ATF7: variants seen among roughly 807,000 people sequenced by gnomAD.
The protein encoded by ATF7 is activating transcription factor 7.
Under a neutral mutation model 50.4 loss-of-function variants are expected in ATF7, and 10 were observed. The observed-to-expected ratio is 0.20, with a 90% CI of 0.12 to 0.34. The LOEUF (loss-of-function observed/expected upper bound fraction) is 0.34, where lower values mean the gene tolerates loss of function less well. ATF7 is among the 10% of genes least tolerant of loss of function. ATF7 has a pLI of 1.00. For synonymous variants in ATF7, 201 were observed against 226.4 expected (o/e 0.89, Z 1.01); for missense variants, 465 against 613.9 (o/e 0.76, Z 2.56).
At chr12:53,590,163 C>T (rs369085748) in intron 2 of ATF7, among the ~76,000 whole-genome samples, 1 of 152,168 alleles carries the variant, frequency 6.6e-6, no homozygotes, top group Admixed American at 6.5e-5. Context: ...GACCATTCTA[C>T]CTAAGCCAGT....
At chr12:53,539,651 T>C (rs995063709) in intron 4 of ATF7, among the ~76,000 whole-genome samples, 1 of 151,882 alleles carries the variant, frequency 6.6e-6, no homozygotes. Flanking sequence ...ATTCTACCAA[T>C]GCACTCTAGC....
rs544943458 is a variant in ATF7, at chr12:53,514,729, C to T, written c.*2408G>A. 59 of 152,238 alleles carry T rather than the reference C, an allele frequency of 3.9e-4. No homozygotes were observed. The highest frequency in any genetic ancestry group is 1.4e-3 in the African/African-American group (57 of 41,540). 9.4% of individuals were successfully genotyped at this position (152,238 alleles called of 1,614,324 possible). On this transcript the variant is annotated 3_prime_UTR_variant, in exon 12 of 12. Transcript: ENST00000420353. Reference sequence around the variant, plus strand: ...CATGGGGGCTAAGAAATAAAAAAGACCCGCTACATAAATTAGCCACCCAAC... The same window carrying T: ...CATGGGGGCTAAGAAATAAAAAAGATCCGCTACATAAATTAGCCACCCAAC...
intron 1 of ATF7, among the ~76,000 whole-genome samples, chr12:53,615,432 T>C (rs1944081774): frequency 6.6e-6 from 1 of 152,146 alleles, no homozygotes; most frequent in Non-Finnish European, 1.5e-5. Flanking sequence ...ACAGGAGTCA[T>C]GTTGGTACCA....
chr12:53,541,137 C>G (rs1350625183), intron 4 of ATF7, among the ~76,000 whole-genome samples: 1 of 152,124 alleles, frequency 6.6e-6, no homozygotes, highest in Non-Finnish European at 1.5e-5. Context: ...TGCTTTCTTA[C>G]CACTTAAACT....
At chr12:53,553,604 C>T (rs1215947827) in intron 2 of ATF7, among the ~76,000 whole-genome samples, 2 of 152,070 alleles carry the variant, frequency 1.3e-5, no homozygotes, top group African/African-American at 4.8e-5. Context: ...AGCAGTAATT[C>T]AAAAGAATAA....
intron 2 of ATF7, among the ~76,000 whole-genome samples, chr12:53,579,121 G>C (rs1052891991): frequency 1.3e-5 from 2 of 152,072 alleles, no homozygotes; most frequent in Non-Finnish European, 2.9e-5. Flanking sequence ...GGTGGTACCT[G>C]TAGTCCCTGC....
At chr12:53,537,394 G>A (rs1255223999) in intron 5 of ATF7, 21 bp downstream of exon 5, 2 of 1,612,436 alleles carry the variant, frequency 1.2e-6, no homozygotes, top group Non-Finnish European at 1.7e-6. Flanking sequence ...CATTTGAGAT[G>A]ATCCTTGGTA....
At position 53,531,845 on chromosome 12, in the gene ATF7, C is replaced by T. The variant is rs539011357; in HGVS notation, c.826G>A (p.Gly276Arg). The T allele has an allele frequency of 1.9e-6, 3 of 1,613,644 alleles. No homozygotes were observed. Among genetic ancestry groups the T allele is most frequent in the Non-Finnish European group, 1.7e-6 (2 of 1,179,838 alleles). The change falls in exon 9 of 12, where the codon GGA (glycine) becomes AGA (arginine). Residue 276 changes from glycine (G) to arginine (R), a missense_variant. Gly to Arg is a moderately radical substitution (Grantham distance 125). Coordinates refer to ENST00000420353, the MANE Select transcript of ATF7 (RefSeq NM_006856.3). Reference sequence around the variant, plus strand: ...GTGCTGGCAGTACCCACCACCATTCCACAACCACCATTGATTGAGGAGACT... The same window carrying T: ...GTGCTGGCAGTACCCACCACCATTCTACAACCACCATTGATTGAGGAGACT... ...HQVSSINGGC[G>R]MVVGTASTMV...
downstream of ATF7, among the ~76,000 whole-genome samples, chr12:53,509,633 G>A (rs1325316828): frequency 6.6e-6 from 1 of 151,670 alleles, no homozygotes; most frequent in East Asian, 1.9e-4. Flanking sequence ...AGCCTCCCAA[G>A]TAGCTGGGAT....
At chr12:53,546,196 AAAACAAACAAAC>A (rs148932395) in intron 3 of ATF7, among the ~76,000 whole-genome samples, 1 of 151,478 alleles carries the variant, frequency 6.6e-6, no homozygotes, top group African/African-American at 2.4e-5. Flanking sequence ...CCATCTCAAA[AAAACAAACAAAC>A]AAACAAACAA....
intron 1 of ATF7, among the ~76,000 whole-genome samples, chr12:53,601,810 G>A (rs1205382180): frequency 6.6e-6 from 1 of 152,202 alleles, no homozygotes; most frequent in Non-Finnish European, 1.5e-5. Context: ...GCAGCCAACA[G>A]ATGTGTGCTG....
intron 2 of ATF7, among the ~76,000 whole-genome samples, chr12:53,564,772 C>T (rs1941351094): frequency 2.0e-5 from 3 of 152,224 alleles, no homozygotes; most frequent in South Asian, 2.1e-4. Flanking sequence ...TATTATTCTA[C>T]ATCAAACTTG....
Position 53,531,853 on chromosome 12 carries a change from C to T in ATF7, c.818G>A (p.Gly273Asp). ...AGTACCCACCACCATTCCACAACCA[C>T]CATTGATTGAGGAGACTTGGTGAGT... Reference protein sequence around the residue: ...TLTHQVSSINGGCGMVVGTAS... With the variant: ...TLTHQVSSINDGCGMVVGTAS... The change falls in exon 9 of 12, where the codon GGT (glycine) becomes GAT (aspartate). Residue 273 changes from glycine to aspartate, a missense_variant. By Grantham distance (94) the Gly-to-Asp change is moderately conservative. Transcript: ENST00000420353. 6.2e-7 allele frequency: 1 copy of T among 1,613,648 alleles called. No individual in the cohort carries two copies. The highest frequency in any genetic ancestry group is 2.2e-5 in the East Asian group (1 of 44,880).
chr12:53,531,721 CAT>C, intron 9 of ATF7, 21 bp downstream of exon 9: 1 of 1,599,224 alleles, frequency 6.3e-7, no homozygotes, highest in African/African-American at 1.3e-5. Flanking sequence ...AAAGATATGA[CAT>C]AAAGAGTAAG....
downstream of ATF7, among the ~76,000 whole-genome samples, chr12:53,509,786 G>A (rs992648246): frequency 4.0e-5 from 6 of 151,846 alleles, no homozygotes; most frequent in Admixed American, 2.0e-4. Context: ...GATTACAGGC[G>A]TGAGCCACCG....
At chr12:53,570,736 CGTGTGTGTGTGT>C (rs57842916) in intron 2 of ATF7, among the ~76,000 whole-genome samples, 53 of 143,680 alleles carry the variant, frequency 3.7e-4, no homozygotes, top group South Asian at 2.5e-3. Flanking sequence ...CTCCTGTGTG[CGTGTGTGTGTGT>C]GTGTGTGTGT....
chr12:53,514,001 A>AG lies in ATF7; in HGVS notation c.*3135dup. On this transcript the variant is annotated 3_prime_UTR_variant, in exon 12 of 12. Transcript: ENST00000420353. ...GTCTAATGCTTAGGGCCAAGGAGGG[A>AG]GGTGAAGGCTAAGGAAGTCAGATTT... is the stretch of plus-strand genomic sequence containing the variant. 1 of 152,276 alleles carries AG rather than the reference A, an allele frequency of 6.6e-6. No homozygotes were observed. The allele number at this position is 152,276 out of a possible 1,614,324, so 9.4% of individuals were successfully genotyped here. A position where few individuals can be genotyped will look rare whatever the true frequency, so the allele number is the denominator to read the frequency against.
At chr12:53,622,055 C>T (rs1383699126) in intron 1 of ATF7, among the ~76,000 whole-genome samples, 1 of 152,064 alleles carries the variant, frequency 6.6e-6, no homozygotes, top group African/African-American at 2.4e-5. Context: ...AATTCCAGCA[C>T]TTTGGGAGGC....
intron 1 of ATF7, among the ~76,000 whole-genome samples, chr12:53,607,407 T>C (rs1405497867): frequency 1.3e-5 from 2 of 152,214 alleles, no homozygotes; most frequent in East Asian, 3.8e-4. Context: ...TAAAATGTTT[T>C]ATATCCTTTG....
Sources: allele counts gnomAD v4.1 joint callset (sites outside exome capture counted in the v4.1 genomes callset), GRCh38; gene constraint gnomAD v4.1.1; transcripts MANE v1.5; gene names NCBI Gene and HGNC (gene_info 2026-07-23, HGNC 2026-07-21).